The following ECEL1 variants were observed in gnomAD, a reference collection of about 807,000 sequenced individuals.
ECEL1 encodes endothelin-converting enzyme-like 1.
In ECEL1, 87 loss-of-function variants were observed where a neutral mutation model predicts 101.8. The observed-to-expected ratio is 0.85, with a 90% CI of 0.72 to 1.02. The LOEUF (loss-of-function observed/expected upper bound fraction) is 1.02. Among genes scored for constraint, ECEL1 ranks in the 50% least tolerant of loss-of-function variants. The pLI is 0.00. For missense variants in ECEL1, 1,032 were observed against 1,079.2 expected, an observed-to-expected ratio of 0.96 and a Z score of 0.61; for synonymous variants, 487 against 468.7, an observed-to-expected ratio of 1.04 and a Z score of -0.50.
At chr2:232,480,371 A>G (rs1344543304) in intron 17 of ECEL1, 28 bp downstream of exon 17, 3 of 1,612,790 alleles carry the variant, frequency 1.9e-6, no homozygotes, top group Non-Finnish European at 8.5e-7. Flanking sequence ...CAAGGAGTGG[A>G]CAAGGCCAGG....
chr2:232,483,565 T>C (rs781230743), intron 7 of ECEL1, 51 bp from the exon 8 acceptor site: 4 of 1,517,458 alleles, frequency 2.6e-6, no homozygotes, highest in African/African-American at 1.4e-5. Context: ...GCCTGGTCTA[T>C]CACTCCTGGC....
At chr2:232,480,298 C>G in intron 17 of ECEL1, 46 bp from the exon 18 acceptor site, 1 of 1,611,640 alleles carries the variant, frequency 6.2e-7, no homozygotes, top group Non-Finnish European at 8.5e-7. Context: ...TGCAGCCACT[C>G]CAGCCCCAGC....
At chr2:232,487,458 C>G (rs892914040) in intron 1 of ECEL1, among the ~76,000 whole-genome samples, 2 of 152,216 alleles carry the variant, frequency 1.3e-5, no homozygotes, top group East Asian at 3.9e-4. Flanking sequence ...CTGGCTTCAA[C>G]AGGTTCTCCC....
In ECEL1 at chr2:232,482,907, G is replaced by A. The variant is rs1416271578; in HGVS notation, c.1629C>T (p.Ile543=). ...KTYFKNILNS[I]RFSIQLSVKK... ...TAACTGAGAGCTGGATGCTGAAGCGGATGCTGTTCAAGATGTTCTTGAAGT... is the reference window on the plus strand; with the variant it reads ...TAACTGAGAGCTGGATGCTGAAGCGAATGCTGTTCAAGATGTTCTTGAAGT... The change falls in exon 10 of 18, where the codon ATC becomes ATT. Residue 543 remains isoleucine, a synonymous_variant. Coordinates refer to ENST00000304546, the MANE Select transcript of ECEL1 (RefSeq NM_004826.4). 1 of 1,614,078 alleles carries A rather than the reference G, an allele frequency of 6.2e-7. No individual in the cohort carries two copies. Among genetic ancestry groups the A allele is most frequent in the Non-Finnish European group, 8.5e-7 (1 of 1,180,054 alleles).
chr2:232,484,742 G>A (rs1690675340), intron 5 of ECEL1, 59 bp downstream of exon 5: 1 of 1,609,432 alleles, frequency 6.2e-7, no homozygotes, highest in Non-Finnish European at 8.5e-7. Context: ...TGACCCTGTA[G>A]TCCCAGCAGC....
At position 232,482,560 on chromosome 2, in the gene ECEL1, C is replaced by G. The variant is rs1423135545; in HGVS notation, c.1734G>C (p.Lys578Asn). Residue 578 changes from lysine to asparagine, a missense_variant, in exon 11 of 18, where the codon AAG (lysine) becomes AAC (asparagine). Physicochemically the swap from Lys to Asn is moderately conservative, Grantham distance 94. Transcript: ENST00000304546. Reference protein sequence around the residue: ...QALNAYYLPNKNQMVFPAGIL... With the variant: ...QALNAYYLPNNNQMVFPAGIL... The stretch of plus-strand genomic sequence containing the variant: ...GACACATCCCCTTACCCATCTGGTT[C>G]TTGTTGGGTAGATAGTAGGCATTGA... 6.2e-7 allele frequency: 1 copy of G among 1,613,868 alleles called. No homozygotes were observed. The highest frequency in any genetic ancestry group is 8.5e-7 in the Non-Finnish European group (1 of 1,179,988).
Position 232,484,531 on chromosome 2 carries a change from C to T in ECEL1, c.1125G>A (p.Val375=). Residue 375 remains valine (V), a synonymous_variant, in exon 6 of 18, where the codon GTG becomes GTA. Transcript: ENST00000304546. ...GCTGCATGTAGTCTGTCGCCAGCAG[C>T]ACCACCTCCTCTTCCTCTGAGAAGT... ...QEDFSEEEEV[V]LLATDYMQQV... 1 of 1,613,946 alleles carries T rather than the reference C, an allele frequency of 6.2e-7. No homozygotes were observed. Among genetic ancestry groups the T allele is most frequent in the Admixed American group, 1.7e-5 (1 of 60,020 alleles).
Position 232,481,588 on chromosome 2 carries a change from G to A in ECEL1, c.1907C>T (p.Thr636Met), listed in dbSNP as rs146580059. The change falls in exon 14 of 18, where the codon ACG becomes ATG. Residue 636 changes from threonine to methionine, a missense_variant. Coordinates refer to ENST00000304546, the MANE Select transcript of ECEL1 (RefSeq NM_004826.4). ...CAGGAAGCGGCTGTAGGAGGCCTCCGTCCACCAGTGCAGCAGGTTCCCTGA... is the reference window on the plus strand; with the variant it reads ...CAGGAAGCGGCTGTAGGAGGCCTCCATCCACCAGTGCAGCAGGTTCCCTGA... ...DRSGNLLHWW[T>M]EASYSRFLRK... 3.6e-5 allele frequency: 58 copies of A among 1,613,660 alleles called. No individual in the cohort carries two copies. Among genetic ancestry groups the A allele is most frequent in the Admixed American group, 6.7e-5 (4 of 60,004 alleles).
At chr2:232,486,845 G>A in intron 1 of ECEL1, 91 bp from the exon 2 acceptor site, 2 of 519,286 alleles carry the variant, frequency 3.9e-6, no homozygotes, top group Non-Finnish European at 6.0e-6. Flanking sequence ...TGGGTGCAGA[G>A]GCCCCAGCCG....
Position 232,482,965 on chromosome 2 carries a change from C to T in ECEL1, c.1582-11G>A, listed in dbSNP as rs768350456. On this transcript the variant is annotated splice_polypyrimidine_tract_variant and intron_variant, in intron 9 of 17. Transcript: ENST00000304546. ...CTCATGGACCTCAAACTGCAGGAGG[C>T]ACGGGCGACACTCAGCGGCAGGCCA... The T allele has an allele frequency of 1.9e-6, 3 of 1,614,032 alleles. No individual in the cohort carries two copies. Among genetic ancestry groups the T allele is most frequent in the Non-Finnish European group, 2.5e-6 (3 of 1,179,976 alleles).
At chr2:232,482,651 C>G (rs750240030) in intron 10 of ECEL1, 43 bp from the exon 11 acceptor site, 3 of 1,579,318 alleles carry the variant, frequency 1.9e-6, no homozygotes, top group Non-Finnish European at 2.6e-6. Context: ...CACACTCCCT[C>G]CCCCGCTACC....
intron 1 of ECEL1, among the ~76,000 whole-genome samples, chr2:232,487,082 A>G (rs1221766945): frequency 1.3e-5 from 2 of 152,138 alleles, no homozygotes; most frequent in African/African-American, 2.4e-5. Context: ...CTCTTCCACG[A>G]CCTGCCCCAG....
chr2:232,482,447 C>T lies in ECEL1; in HGVS notation c.1767G>A (p.Gln589=). 6.2e-7 allele frequency: 1 copy of T among 1,613,996 alleles called. No individual in the cohort carries two copies. The highest frequency in any genetic ancestry group is 1.1e-5 in the South Asian group (1 of 91,086). ...NQMVFPAGIL[Q]PTLYDPDFPQ... ...GGAAGTCAGGGTCGTACAGGGTGGG[C>T]TGCAGGATGCCCGCGGGGAACACTA... Residue 589 remains glutamine, a synonymous_variant, in exon 12 of 18, where the codon CAG becomes CAA. Transcript: ENST00000304546.
chr2:232,480,121 G>A lies in ECEL1; in HGVS notation c.*32C>T. On this transcript the variant is annotated 3_prime_UTR_variant, in exon 18 of 18. Transcript: ENST00000304546. The stretch of plus-strand genomic sequence containing the variant: ...GCCAGCAGGAGGTGATTCGTGCGGG[G>A]GCAGTGGGGGCGTGCAGGCGGGCAG... 1 of 1,606,288 alleles carries A rather than the reference G, an allele frequency of 6.2e-7. No individual in the cohort carries two copies. The highest frequency in any genetic ancestry group is 8.5e-7 in the Non-Finnish European group (1 of 1,173,776).
At chr2:232,484,732 T>C in intron 5 of ECEL1, 69 bp downstream of exon 5, 3 of 1,607,964 alleles carry the variant, frequency 1.9e-6, no homozygotes, top group Non-Finnish European at 2.5e-6. Flanking sequence ...TGGGGAGAGA[T>C]GACCCTGTAG....
In ECEL1 at chr2:232,482,435, G is replaced by C; in HGVS notation, c.1779C>G (p.Tyr593Ter). ...FPAGILQPTL[Y>*]DPDFPQSLNY... ...GTACTCACTGTGGGAAGTCAGGGTC[G>C]TACAGGGTGGGCTGCAGGATGCCCG... Residue 593 changes from tyrosine (Y) to a stop codon, truncating the protein, a stop_gained, in exon 12 of 18, where the codon TAC becomes TAG. Transcript: ENST00000304546. LOFTEE classifies it high-confidence loss of function. The C allele has an allele frequency of 4.3e-6, 7 of 1,613,990 alleles. No homozygotes were observed. The highest frequency in any genetic ancestry group is 5.9e-6 in the Non-Finnish European group (7 of 1,180,018).
chr2:232,481,373 GA>G, intron 14 of ECEL1, 132 bp downstream of exon 14: 1 of 1,454,812 alleles, frequency 6.9e-7, no homozygotes, highest in Non-Finnish European at 9.3e-7. Context: ...GTGTGCGTGG[GA>G]ACCGAATGTG....
At position 232,486,478 on chromosome 2, in the gene ECEL1, T is replaced by A; in HGVS notation, c.176A>T (p.Glu59Val). 7.0e-7 allele frequency: 1 copy of A among 1,423,578 alleles called. No individual in the cohort carries two copies. Among genetic ancestry groups the A allele is most frequent in the Non-Finnish European group, 9.1e-7 (1 of 1,099,484 alleles). The allele number at this position is 1,423,578 out of a possible 1,614,324, so 88.2% of individuals were successfully genotyped here. ...RSGLPRWNRR[E>V]VCLLSGLVFA... ...CACCAGCCCCGACAGCAGGCACACC[T>A]CGCGCCGGTTCCAGCGCGGCAGCCC... The change falls in exon 2 of 18, where the codon GAG becomes GTG. Residue 59 changes from glutamate (E) to valine (V), a missense_variant. Transcript: ENST00000304546.
intron 15 of ECEL1, 90 bp downstream of exon 15, chr2:232,481,001 G>A: frequency 2.0e-6 from 3 of 1,489,776 alleles, no homozygotes. Flanking sequence ...AGCAGGGTGG[G>A]CAGGGAGAGG....
Sources: gnomAD v4.1 joint callset for allele counts (sites outside exome capture counted in the v4.1 genomes callset) on GRCh38, gnomAD v4.1.1 for gene constraint, MANE v1.5 for transcripts, NCBI Gene and HGNC (gene_info 2026-07-23, HGNC 2026-07-21) for gene names.